The following ADAMTS19 variants were observed in gnomAD, a reference collection of about 807,000 sequenced individuals.
The protein encoded by ADAMTS19 is A disintegrin and metalloproteinase with thrombospondin motifs 19.
ADAMTS19 carries 93 observed loss-of-function variants against 153.3 expected under a neutral mutation model. The observed-to-expected ratio is 0.61, with a 90% CI of 0.51 to 0.72. The LOEUF (loss-of-function observed/expected upper bound fraction) is 0.72. Among genes scored for constraint, ADAMTS19 ranks in the 30% least tolerant of loss-of-function variants. The probability of loss-of-function intolerance (pLI) is 0.00; values close to 1 mark genes in which losing one functional copy is unlikely to be tolerated. For synonymous variants in ADAMTS19, 600 were observed against 556.6 expected (o/e 1.08, Z -1.10); for missense variants, 1,482 against 1,552.1 (o/e 0.95, Z 0.76).
chr5:129,658,031 T>C (rs1581194809), intron 14 of ADAMTS19, among the ~76,000 whole-genome samples: 1 of 152,084 alleles, frequency 6.6e-6, no homozygotes, highest in East Asian at 1.9e-4. Context: ...ACACCTATCA[T>C]CCTAACAGTT....
intron 10 of ADAMTS19, among the ~76,000 whole-genome samples, chr5:129,628,496 G>A (rs1178495941): frequency 6.6e-6 from 1 of 152,046 alleles, no homozygotes; most frequent in Non-Finnish European, 1.5e-5. Context: ...GACAAGTGGA[G>A]CAAAATGAAG....
At chr5:129,615,461 C>G (rs926518025) in intron 8 of ADAMTS19, among the ~76,000 whole-genome samples, 1 of 151,940 alleles carries the variant, frequency 6.6e-6, no homozygotes, top group Non-Finnish European at 1.5e-5. Context: ...TCTAAATATT[C>G]TATTTTAATT....
chr5:129,653,054 T>G (rs1235104667), intron 13 of ADAMTS19, among the ~76,000 whole-genome samples: 1 of 152,186 alleles, frequency 6.6e-6, no homozygotes, highest in Non-Finnish European at 1.5e-5. Flanking sequence ...AAGCCACATG[T>G]GAAAACTGTT....
intron 7 of ADAMTS19, among the ~76,000 whole-genome samples, chr5:129,583,287 T>A (rs1418441699): frequency 6.6e-6 from 1 of 152,218 alleles, no homozygotes; most frequent in Non-Finnish European, 1.5e-5. Context: ...CTGGTATTAG[T>A]CTGATGGGCT....
Position 129,648,817 on chromosome 5 carries a change from G to T in ADAMTS19, c.2023G>T (p.Asp675Tyr), listed in dbSNP as rs567985095. 18 of 1,613,570 alleles carry T rather than the reference G, an allele frequency of 1.1e-5. No homozygotes were observed. In the South Asian group the frequency reaches 1.8e-4, roughly 16 times the overall value. Reference protein sequence around the residue: ...KCPGLDSEARDCNGPRKQYRI... With the variant: ...KCPGLDSEARYCNGPRKQYRI... ...TTCTAGGCTAGATTCTGAAGCAAGG[G>T]ATTGTAATGGTCCCAGAAAACAATA... is the stretch of plus-strand genomic sequence containing the variant. The change falls in exon 13 of 23, where the codon GAT becomes TAT. Residue 675 changes from aspartate to tyrosine, a missense_variant. Coordinates refer to ENST00000274487, the MANE Select transcript of ADAMTS19 (RefSeq NM_133638.6).
At chr5:129,633,770 T>G (rs1752412718) in intron 10 of ADAMTS19, among the ~76,000 whole-genome samples, 2 of 152,174 alleles carry the variant, frequency 1.3e-5, no homozygotes, top group Admixed American at 6.6e-5. Context: ...GCTCATATCT[T>G]AGATCAATTC....
chr5:129,497,918 A>AGC (rs997681965), intron 2 of ADAMTS19, among the ~76,000 whole-genome samples: 2 of 152,082 alleles, frequency 1.3e-5, no homozygotes, highest in African/African-American at 4.8e-5. Flanking sequence ...TCTGAAAAAA[A>AGC]GCAAGAATGG....
rs1477043833 is a variant in ADAMTS19 at position 129,737,317 on chromosome 5, A to G, written c.*99A>G. 1 of 1,193,180 alleles carries G rather than the reference A, an allele frequency of 8.4e-7. No individual in the cohort carries two copies. The allele number at this position is 1,193,180 out of a possible 1,614,324, so 73.9% of individuals were successfully genotyped here. On this transcript the variant is annotated 3_prime_UTR_variant, in exon 23 of 23. Coordinates refer to ENST00000274487, the MANE Select transcript of ADAMTS19 (RefSeq NM_133638.6). ...CAGACCAAATATTATCAGATTACATATAATTTAATCAAATTAATTTATTTT... is the reference window on the plus strand; with the variant it reads ...CAGACCAAATATTATCAGATTACATGTAATTTAATCAAATTAATTTATTTT...
In ADAMTS19 at chr5:129,564,787, G is replaced by A. The variant is rs1270326782; in HGVS notation, c.1372+12880G>A. ...CCTTCAAGGAGGTAATTTGGATGGT[G>A]CCAGCTTGGAATAGAGGAAATGCAA... On this transcript the variant is annotated intron_variant, in intron 7 of 22. Transcript: ENST00000274487. 2.0e-5 allele frequency among the ~76,000 whole-genome samples: 3 copies of A among 152,148 alleles called. No homozygotes were observed. The South Asian group carries it at 6.2e-4, about 32-fold the overall frequency.
At chr5:129,572,733 A>T (rs1753957716) in intron 7 of ADAMTS19, among the ~76,000 whole-genome samples, 1 of 152,000 alleles carries the variant, frequency 6.6e-6, no homozygotes, top group African/African-American at 2.4e-5. Context: ...TAATGACCAG[A>T]TGAGTGATTA....
chr5:129,541,989 A>G (rs1468558812), intron 6 of ADAMTS19, among the ~76,000 whole-genome samples: 5 of 152,122 alleles, frequency 3.3e-5, no homozygotes, highest in Non-Finnish European at 5.9e-5. Context: ...ATCTTCATCT[A>G]TAGTTATATT....
At chr5:129,585,052 C>G (rs965388529) in intron 7 of ADAMTS19, among the ~76,000 whole-genome samples, 3 of 152,164 alleles carry the variant, frequency 2.0e-5, no homozygotes, top group African/African-American at 4.8e-5. Context: ...AACTCCTGCT[C>G]TGCGGGTTGC....
intron 10 of ADAMTS19, among the ~76,000 whole-genome samples, chr5:129,638,562 C>T (rs936844769): frequency 1.5e-4 from 15 of 102,922 alleles, no homozygotes; most frequent in African/African-American, 7.3e-4. Context: ...CTCTCTGTCT[C>T]ACACACACAC....
intron 20 of ADAMTS19, among the ~76,000 whole-genome samples, chr5:129,702,947 T>A (rs1418871745): frequency 0.31 from 8,579 of 28,012 alleles, 369 homozygotes; most frequent in Non-Finnish European, 0.39. Context: ...AAAAAATATA[T>A]ATATATATAT....
intron 2 of ADAMTS19, among the ~76,000 whole-genome samples, chr5:129,466,407 T>G (rs910900765): frequency 2.0e-5 from 3 of 151,736 alleles, no homozygotes; most frequent in African/African-American, 7.3e-5. Context: ...AACAGAAATC[T>G]AATGCCCAGA....
chr5:129,492,941 C>T (rs372667842), intron 2 of ADAMTS19, among the ~76,000 whole-genome samples: 1 of 152,088 alleles, frequency 6.6e-6, no homozygotes. Context: ...TATATAGTTG[C>T]TGCTTTATGT....
At chr5:129,602,931 C>T (rs1019344066) in intron 8 of ADAMTS19, among the ~76,000 whole-genome samples, 23 of 150,834 alleles carry the variant, frequency 1.5e-4, no homozygotes, top group African/African-American at 5.1e-4. Flanking sequence ...CCACTAAGTT[C>T]GTATTTTGCA....
chr5:129,731,412 A>G (rs7733451), intron 21 of ADAMTS19, among the ~76,000 whole-genome samples: 2,388 of 152,284 alleles, frequency 0.016, 61 homozygotes, highest in African/African-American at 0.053. Flanking sequence ...AAGTTAAAGA[A>G]GTAAACACAT....
intron 8 of ADAMTS19, among the ~76,000 whole-genome samples, chr5:129,602,337 C>A (rs962594777): frequency 6.6e-6 from 1 of 152,112 alleles, no homozygotes; most frequent in Non-Finnish European, 1.5e-5. Context: ...GTGATCCGCC[C>A]GCCTCAGCCT....
Sources: gnomAD v4.1 joint callset for allele counts (sites outside exome capture counted in the v4.1 genomes callset) on GRCh38, gnomAD v4.1.1 for gene constraint, MANE v1.5 for transcripts, NCBI Gene and HGNC (gene_info 2026-07-23, HGNC 2026-07-21) for gene names.